The following GRID2 variants were observed in gnomAD, a reference collection of about 807,000 sequenced individuals.
GRID2 encodes glutamate ionotropic receptor delta type subunit 2.
Under a neutral mutation model 114.8 loss-of-function variants are expected in GRID2, and 33 were observed. The observed-to-expected ratio is 0.29, with a 90% CI of 0.22 to 0.38. The LOEUF is 0.38. Among genes scored for constraint, GRID2 ranks in the 10% least tolerant of loss-of-function variants. The pLI is 1.00. For missense variants in GRID2, 1,184 were observed against 1,257.7 expected, an observed-to-expected ratio of 0.94 and a Z score of 0.89; for synonymous variants, 505 against 449.9, an observed-to-expected ratio of 1.12 and a Z score of -1.55.
rs1384964133 is a variant in GRID2, at chr4:92,735,265, G to A, written c.244+144979G>A. ...ACCTCTAGTGGATGCCTGAAGCTAT[G>A]GATGCTACCGAATCCTACATACATT... On this transcript the variant is annotated intron_variant, in intron 2 of 15. Coordinates refer to ENST00000282020, the MANE Select transcript of GRID2 (RefSeq NM_001510.4). Among the ~76,000 whole-genome samples, 55 of 151,998 alleles carry A rather than the reference G, an allele frequency of 3.6e-4. 1 individual carries two copies. Among genetic ancestry groups the A allele is most frequent in the Admixed American group, 3.6e-3 (55 of 15,242 alleles).
chr4:92,599,644 C>A (rs1729107585), intron 2 of GRID2, among the ~76,000 whole-genome samples: 1 of 152,004 alleles, frequency 6.6e-6, no homozygotes, highest in Admixed American at 6.6e-5. Context: ...GATAGACTAA[C>A]GTGATATGAT....
At chr4:93,075,298 T>C (rs1157904343) in intron 2 of GRID2, among the ~76,000 whole-genome samples, 2 of 152,186 alleles carry the variant, frequency 1.3e-5, no homozygotes, top group African/African-American at 4.8e-5. Flanking sequence ...GCAAACTCTG[T>C]TCTCAGCAAT....
rs1168851965 is a variant in GRID2, at chr4:92,456,837, C to A, written c.89-133294C>A. ...CTATGTTATGATAACAACTACTAGT[C>A]ATCCTGCTTCCTGTATCCCTTTCTT... On this transcript the variant is annotated intron_variant, in intron 1 of 15. Coordinates refer to ENST00000282020, the MANE Select transcript of GRID2 (RefSeq NM_001510.4). 6.6e-5 allele frequency among the ~76,000 whole-genome samples: 10 copies of A among 152,238 alleles called. No individual in the cohort carries two copies. In the East Asian group the frequency reaches 1.9e-3, roughly 29 times the overall value.
At chr4:92,580,736 AT>A (rs5860281) in intron 1 of GRID2, among the ~76,000 whole-genome samples, 45 of 151,536 alleles carry the variant, frequency 3.0e-4, no homozygotes, top group African/African-American at 1.0e-3. Context: ...CAATTCTCAC[AT>A]TTTTTTTGTG....
At chr4:92,657,348 T>A (rs986015656) in intron 2 of GRID2, among the ~76,000 whole-genome samples, 1 of 151,708 alleles carries the variant, frequency 6.6e-6, no homozygotes, top group Admixed American at 6.6e-5. Flanking sequence ...TTTATTCTTG[T>A]TGTTTCTTAA....
At chr4:93,065,317 C>T (rs1231676267) in intron 2 of GRID2, among the ~76,000 whole-genome samples, 1 of 151,846 alleles carries the variant, frequency 6.6e-6, no homozygotes, top group Non-Finnish European at 1.5e-5. Flanking sequence ...ACATTGGTTT[C>T]ATCACAGTGT....
At chr4:92,609,131 C>T (rs1185194284) in intron 2 of GRID2, among the ~76,000 whole-genome samples, 1 of 151,740 alleles carries the variant, frequency 6.6e-6, no homozygotes, top group Non-Finnish European at 1.5e-5. Context: ...TTCTGTTCTT[C>T]ACACACAGCT....
chr4:93,008,830 G>A (rs1057487302), intron 2 of GRID2, among the ~76,000 whole-genome samples: 6 of 151,906 alleles, frequency 3.9e-5, no homozygotes, highest in South Asian at 2.1e-4. Context: ...ATTCAGCTGC[G>A]TTCAACTATG....
intron 1 of GRID2, among the ~76,000 whole-genome samples, chr4:92,357,873 G>C (rs1728410632): frequency 1.3e-5 from 2 of 151,712 alleles, no homozygotes; most frequent in South Asian, 4.2e-4. Flanking sequence ...ATTAAGACAG[G>C]GCTGATCACA....
intron 2 of GRID2, among the ~76,000 whole-genome samples, chr4:92,611,350 A>G (rs1201800835): frequency 6.6e-6 from 1 of 151,442 alleles, no homozygotes. Flanking sequence ...TACTCATATG[A>G]TCTCTTCTTT....
chr4:92,704,746 C>CTTTCTCTCTCTCTCTCTCT (rs1734873910), intron 2 of GRID2, among the ~76,000 whole-genome samples: 1 of 79,960 alleles, frequency 1.3e-5, no homozygotes, highest in African/African-American at 5.1e-5. Context: ...TCTCTCTCTC[C>CTTTCTCTCTCTCTCTCTCT]CTCCCTCTCT....
At chr4:92,908,472 A>G (rs1560689830) in intron 2 of GRID2, among the ~76,000 whole-genome samples, 1 of 150,520 alleles carries the variant, frequency 6.6e-6, no homozygotes. Context: ...TGTGACCATT[A>G]CTTGTCGTGA....
intron 2 of GRID2, among the ~76,000 whole-genome samples, chr4:92,854,908 C>G (rs1486560714): frequency 6.6e-6 from 1 of 151,958 alleles, no homozygotes; most frequent in African/African-American, 2.4e-5. Flanking sequence ...TTAGCTCTTA[C>G]TTCAAAATAT....
At chr4:92,931,650 C>A (rs746128673) in intron 2 of GRID2, among the ~76,000 whole-genome samples, 2 of 148,374 alleles carry the variant, frequency 1.3e-5, no homozygotes, top group African/African-American at 2.5e-5. Context: ...ACACAGCATT[C>A]GGAATAGATC....
At chr4:93,520,940 C>A in intron 13 of GRID2, among the ~76,000 whole-genome samples, 1 of 151,968 alleles carries the variant, frequency 6.6e-6, no homozygotes, top group East Asian at 1.9e-4. Flanking sequence ...AGGGTGGGAG[C>A]GGGGAGCTTA....
chr4:93,459,144 C>T (rs1723489620), intron 11 of GRID2, among the ~76,000 whole-genome samples: 1 of 121,578 alleles, frequency 8.2e-6, no homozygotes, highest in Admixed American at 1.1e-4. Context: ...TGTGCCATTG[C>T]ACTCCAGCCG....
intron 2 of GRID2, among the ~76,000 whole-genome samples, chr4:92,918,738 C>G (rs1325891660): frequency 6.6e-6 from 1 of 152,114 alleles, no homozygotes; most frequent in Admixed American, 6.6e-5. Context: ...TGATGTGCTG[C>G]TGGATTTGGT....
chr4:92,624,215 A>G (rs1027592641), intron 2 of GRID2, among the ~76,000 whole-genome samples: 2 of 151,912 alleles, frequency 1.3e-5, no homozygotes, highest in Non-Finnish European at 1.5e-5. Flanking sequence ...AAGTATACAC[A>G]AGAAACTTAA....
chr4:93,542,944 G>A (rs543694241), intron 13 of GRID2, among the ~76,000 whole-genome samples: 13 of 152,096 alleles, frequency 8.5e-5, no homozygotes, highest in African/African-American at 3.1e-4. Flanking sequence ...GAGCTTACAG[G>A]TCATGAAAGC....
Sources: allele counts gnomAD v4.1 joint callset (sites outside exome capture counted in the v4.1 genomes callset), GRCh38; gene constraint gnomAD v4.1.1; transcripts MANE v1.5; gene names NCBI Gene and HGNC (gene_info 2026-07-23, HGNC 2026-07-21).